The following PLA2R1 variants were observed in gnomAD, a reference collection of about 807,000 sequenced individuals.
The protein encoded by PLA2R1 is secretory phospholipase A2 receptor.
In PLA2R1, 158 loss-of-function variants were observed where a neutral mutation model predicts 195.9. The ratio of observed to expected loss-of-function variants is 0.81; its 90% CI spans 0.71 to 0.92. PLA2R1 has a LOEUF of 0.92. Among genes scored for constraint, PLA2R1 ranks in the 40% least tolerant of loss-of-function variants. The probability of loss-of-function intolerance (pLI) is 0.00; values close to 1 mark genes in which losing one functional copy is unlikely to be tolerated. For synonymous variants in PLA2R1, 586 were observed against 598.2 expected, an observed-to-expected ratio of 0.98 and a Z score of 0.30; for missense variants, 1,626 against 1,764.6, an observed-to-expected ratio of 0.92 and a Z score of 1.41.
chr2:160,009,753 TG>T (rs1692231714), intron 10 of PLA2R1, among the ~76,000 whole-genome samples: 1 of 152,174 alleles, frequency 6.6e-6, no homozygotes, highest in Non-Finnish European at 1.5e-5. Flanking sequence ...AAAAGTGTTT[TG>T]GGGAGATATG....
At chr2:160,060,193 C>T (rs565957956) in intron 1 of PLA2R1, among the ~76,000 whole-genome samples, 5 of 152,148 alleles carry the variant, frequency 3.3e-5, no homozygotes, top group Non-Finnish European at 7.4e-5. Context: ...AATGAGTGTG[C>T]ATTTTTCTCT....
chr2:159,955,264 G>A lies in PLA2R1; in HGVS notation c.3236C>T (p.Thr1079Ile). Residue 1079 changes from threonine to isoleucine, a missense_variant, in exon 23 of 30, where the codon ACT becomes ATT. By Grantham distance (89) the Thr-to-Ile change is moderately conservative. Transcript: ENST00000283243. ...ACAGTCTTCAAAATACCATTTTCCA[G>A]TGAAATGAAAATTAGGATTACTTGA... Reference protein sequence around the residue: ...LLSSNPNFHFTGKWYFEDCGK... With the variant: ...LLSSNPNFHFIGKWYFEDCGK... The A allele has an allele frequency of 6.2e-7, 1 of 1,609,164 alleles. No homozygotes were observed. Among genetic ancestry groups the A allele is most frequent in the South Asian group, 1.1e-5 (1 of 90,846 alleles).
rs1687043103 is a variant in PLA2R1, at chr2:159,940,643, G to A, written c.*1135C>T. On this transcript the variant is annotated 3_prime_UTR_variant, in exon 30 of 30. Transcript: ENST00000283243. ...GATTATGAAGCTGTTTTCTTTATAA[G>A]GAACTAATAAAGGAAAATAAAATCT... 6.6e-6 allele frequency: 1 copy of A among 151,968 alleles called. No individual in the cohort carries two copies. The highest frequency in any genetic ancestry group is 1.5e-5 in the Non-Finnish European group (1 of 67,996). The allele number at this position is 151,968 out of a possible 1,614,324, so 9.4% of individuals were successfully genotyped here.
intron 20 of PLA2R1, among the ~76,000 whole-genome samples, chr2:159,965,574 G>C (rs2105216885): frequency 6.6e-6 from 1 of 152,172 alleles, no homozygotes; most frequent in African/African-American, 2.4e-5. Flanking sequence ...TCCAAGTTTT[G>C]GCAATTAAGA....
intron 6 of PLA2R1, among the ~76,000 whole-genome samples, chr2:160,024,181 G>A (rs1693349810): frequency 6.6e-6 from 1 of 152,126 alleles, no homozygotes; most frequent in Non-Finnish European, 1.5e-5. Flanking sequence ...AAGAACCACT[G>A]CTAGAATGTC....
At chr2:159,957,872 G>C (rs767401153) in intron 20 of PLA2R1, among the ~76,000 whole-genome samples, 10 of 152,132 alleles carry the variant, frequency 6.6e-5, no homozygotes, top group Admixed American at 1.3e-4. Context: ...TTATGCAAAG[G>C]ATGTTTCATC....
In PLA2R1 at chr2:160,000,643, C is replaced by T. The variant is rs148473306; in HGVS notation, c.1834+5009G>A. 6.6e-5 allele frequency among the ~76,000 whole-genome samples: 10 copies of T among 152,020 alleles called. No homozygotes were observed. In the East Asian group the frequency reaches 7.7e-4, roughly 12 times the overall value. ...ATTAGAAACCAAATACAAAATAACT[C>T]GGATACATTTAAGGAAATGAAAGAG... On this transcript the variant is annotated intron_variant, in intron 11 of 29. Transcript: ENST00000283243.
At position 159,938,576 on chromosome 2, in the gene PLA2R1, G is replaced by C. The variant is rs76818782; in HGVS notation, c.*3202C>G. ...AAGAGATAAGACAGCACCAGGGACA[G>C]CCAGAATGAGGCCAAATCAAAGAGA... On this transcript the variant is annotated 3_prime_UTR_variant, in exon 30 of 30. Coordinates refer to ENST00000283243, the MANE Select transcript of PLA2R1 (RefSeq NM_007366.5). The C allele has an allele frequency of 0.037, 5,697 of 152,538 alleles. 332 individuals carry two copies. The highest frequency in any genetic ancestry group is 0.13 in the African/African-American group (5,377 of 41,536). 9.4% of individuals were successfully genotyped at this position (152,538 alleles called of 1,614,324 possible). A position where few individuals can be genotyped will look rare whatever the true frequency, so the allele number is the denominator to read the frequency against.
intron 26 of PLA2R1, 42 bp from the exon 27 acceptor site, chr2:159,946,959 C>T (rs1687427620): frequency 8.3e-7 from 1 of 1,200,424 alleles, no homozygotes; most frequent in Admixed American, 2.3e-5. Context: ...TGTGTTTACA[C>T]ATAAATATAC....
intron 20 of PLA2R1, among the ~76,000 whole-genome samples, 169 bp from the exon 21 acceptor site, chr2:159,956,796 G>A (rs544067213): frequency 6.6e-6 from 1 of 152,244 alleles, no homozygotes; most frequent in East Asian, 1.9e-4. Context: ...AAAACAAAGA[G>A]GAGCAGCTTT....
intron 6 of PLA2R1, among the ~76,000 whole-genome samples, chr2:160,024,687 T>C (rs1693385851): frequency 6.6e-6 from 1 of 152,198 alleles, no homozygotes. Context: ...CTTGTAGGGC[T>C]TGGCTGATGT....
In PLA2R1 at chr2:160,028,480, TATAAG is replaced by T. The variant is rs1417746420; in HGVS notation, c.956-124_956-120del. The T allele has an allele frequency of 5.6e-6, 4 of 716,986 alleles. No homozygotes were observed. The East Asian group carries it at 8.2e-5, about 15-fold the overall frequency. 44.4% of individuals were successfully genotyped at this position (716,986 alleles called of 1,614,324 possible). A position where few individuals can be genotyped will look rare whatever the true frequency, so the allele number is the denominator to read the frequency against. The stretch of plus-strand genomic sequence containing the variant: ...TCTATTTGTCATATATAGTAAATCC[TATAAG>T]ATGTTATCTATGATTTTGCAGTTAC... On this transcript the variant is annotated intron_variant, in intron 5 of 29. Transcript: ENST00000283243.
intron 28 of PLA2R1, among the ~76,000 whole-genome samples, chr2:159,942,810 A>G (rs1462546660): frequency 6.6e-6 from 1 of 152,206 alleles, no homozygotes; most frequent in Non-Finnish European, 1.5e-5. Flanking sequence ...GTAAAGATCC[A>G]GAGAAAGGTA....
chr2:159,948,515 GT>G (rs1266592336), intron 25 of PLA2R1, among the ~76,000 whole-genome samples: 1 of 151,640 alleles, frequency 6.6e-6, no homozygotes, highest in Non-Finnish European at 1.5e-5. Flanking sequence ...GATTACTGGT[GT>G]GAGCCACACA....
intron 3 of PLA2R1, among the ~76,000 whole-genome samples, chr2:160,040,298 C>A (rs1050670071): frequency 1.3e-5 from 2 of 151,650 alleles, no homozygotes; most frequent in African/African-American, 4.9e-5. Flanking sequence ...TCCCTGCACC[C>A]CACCCCCACA....
chr2:160,056,793 G>A (rs562026250), intron 1 of PLA2R1, among the ~76,000 whole-genome samples: 1 of 152,224 alleles, frequency 6.6e-6, no homozygotes, highest in Admixed American at 6.5e-5. Flanking sequence ...ACTTAAACAT[G>A]CAATCTGGTT....
chr2:160,025,588 C>CAAAAAAAAAAAAAAAAAAAAAA (rs56365741), intron 6 of PLA2R1, among the ~76,000 whole-genome samples: 1 of 52,868 alleles, frequency 1.9e-5, no homozygotes. Context: ...AACCATAAAG[C>CAAAAAAAAAAAAAAAAAAAAAA]AAAAAAAAAA....
At chr2:160,045,646 G>A (rs191373135) in intron 1 of PLA2R1, among the ~76,000 whole-genome samples, 103 of 152,326 alleles carry the variant, frequency 6.8e-4, no homozygotes, top group African/African-American at 2.4e-3. Flanking sequence ...ATAGAAAACC[G>A]AAAGGCTATC....
At chr2:160,056,187 A>C (rs1045979131) in intron 1 of PLA2R1, among the ~76,000 whole-genome samples, 1 of 144,894 alleles carries the variant, frequency 6.9e-6, no homozygotes, top group Non-Finnish European at 1.5e-5. Flanking sequence ...AGACAAAACG[A>C]AACAGAATGG....
Sources: allele counts gnomAD v4.1 joint callset (sites outside exome capture counted in the v4.1 genomes callset), GRCh38; gene constraint gnomAD v4.1.1; transcripts MANE v1.5; gene names NCBI Gene and HGNC (gene_info 2026-07-23, HGNC 2026-07-21).